The following DCAF6 variants were observed in gnomAD, a reference collection of about 807,000 sequenced individuals.
The protein encoded by DCAF6 is DDB1 and CUL4 associated factor 6.
Under a neutral mutation model 125.1 loss-of-function variants are expected in DCAF6, and 54 were observed. That is an observed-to-expected ratio of 0.43 (90% CI 0.35 to 0.54). The LOEUF (loss-of-function observed/expected upper bound fraction) is 0.54, where lower values mean the gene tolerates loss of function less well. Ranked by LOEUF, DCAF6 falls within the 20% of genes least tolerant of loss-of-function variation. DCAF6 has a pLI of 0.01. For missense variants in DCAF6, 934 were observed against 1,161.7 expected, an observed-to-expected ratio of 0.80 and a Z score of 2.85; for synonymous variants, 371 against 390.4, an observed-to-expected ratio of 0.95 and a Z score of 0.58.
intron 7 of DCAF6, among the ~76,000 whole-genome samples, chr1:168,001,452 G>A (rs1557957761): frequency 6.6e-6 from 1 of 152,126 alleles, no homozygotes; most frequent in Admixed American, 6.5e-5. Context: ...CTTGGCAATT[G>A]ATCATTCACT....
chr1:167,951,821 G>A lies in DCAF6; in HGVS notation c.119G>A (p.Arg40Lys). Residue 40 changes from arginine (R) to lysine (K), a missense_variant, in exon 2 of 22, where the codon AGA (arginine) becomes AAA (lysine). Coordinates refer to ENST00000367840, the MANE Select transcript of DCAF6 (RefSeq NM_001198956.2). ...ACAGGAAGAAGAGAATTTATCCAAAGATTAAAACTTGAAGCAACCCTTAAT... is the reference window on the plus strand; with the variant it reads ...ACAGGAAGAAGAGAATTTATCCAAAAATTAAAACTTGAAGCAACCCTTAAT... ...RYLGRREFIQ[R>K]LKLEATLNVH... The A allele has an allele frequency of 1.9e-6, 3 of 1,602,860 alleles. No individual in the cohort carries two copies. Among genetic ancestry groups the A allele is most frequent in the South Asian group, 2.2e-5 (2 of 90,660 alleles).
upstream of DCAF6, among the ~76,000 whole-genome samples, chr1:167,933,362 T>G (rs1347098592): frequency 6.6e-6 from 1 of 152,146 alleles, no homozygotes; most frequent in Non-Finnish European, 1.5e-5. Context: ...AGATAGGGTT[T>G]CATCATGTTG....
At chr1:167,902,706 G>C in the DCAF6 span, among the ~76,000 whole-genome samples, 1 of 152,158 alleles carries the variant, frequency 6.6e-6, no homozygotes, top group East Asian at 1.9e-4. Context: ...GGAACTCAGA[G>C]TCTGATAAAA....
the DCAF6 span, among the ~76,000 whole-genome samples, chr1:167,873,322 A>C: frequency 6.6e-6 from 1 of 152,188 alleles, no homozygotes; most frequent in Non-Finnish European, 1.5e-5. Flanking sequence ...GAAAGCAGTG[A>C]AAGTGAGGCA....
intron 2 of DCAF6, among the ~76,000 whole-genome samples, chr1:167,964,913 C>T (rs1019136752): frequency 6.6e-6 from 1 of 152,166 alleles, no homozygotes; most frequent in Non-Finnish European, 1.5e-5. Context: ...ATTTCCGTCT[C>T]TCTGCTGACA....
the DCAF6 span, among the ~76,000 whole-genome samples, chr1:167,910,080 C>T: frequency 8.6e-3 from 1,315 of 152,274 alleles, 15 homozygotes; most frequent in African/African-American, 0.03. Context: ...CTTTGGGGAC[C>T]TCAGTTCTTG....
chr1:168,031,399 G>T (rs1687073091), intron 12 of DCAF6, among the ~76,000 whole-genome samples: 1 of 152,088 alleles, frequency 6.6e-6, no homozygotes, highest in South Asian at 2.1e-4. Context: ...CAAGTAAATT[G>T]GCTCCAAAAA....
the DCAF6 span, among the ~76,000 whole-genome samples, chr1:167,878,219 C>T: frequency 6.6e-6 from 1 of 152,094 alleles, no homozygotes; most frequent in East Asian, 1.9e-4. Context: ...TGAAGAATTA[C>T]CCTCATATTC....
chr1:168,024,703 C>G (rs1398307343), intron 12 of DCAF6, among the ~76,000 whole-genome samples: 1 of 151,048 alleles, frequency 6.6e-6, no homozygotes, highest in East Asian at 1.9e-4. Flanking sequence ...ACTCAGGAGG[C>G]TGAGGGAGGA....
chr1:167,911,958 G>T, the DCAF6 span, among the ~76,000 whole-genome samples: 10 of 152,200 alleles, frequency 6.6e-5, no homozygotes, highest in Non-Finnish European at 1.3e-4. Context: ...AGAAGAAAAT[G>T]ATAGGTTTAA....
At chr1:168,070,437 A>C (rs1008623955) in intron 21 of DCAF6, among the ~76,000 whole-genome samples, 1 of 152,194 alleles carries the variant, frequency 6.6e-6, no homozygotes, top group African/African-American at 2.4e-5. Context: ...TGGTAGCCAC[A>C]AAGTACCTCT....
chr1:167,902,050 C>T, the DCAF6 span: 1 of 1,604,832 alleles, frequency 6.2e-7, no homozygotes, highest in African/African-American at 1.4e-5. Flanking sequence ...CAAAAATCAA[C>T]ACTTCTGAGA....
intron 11 of DCAF6, 121 bp from the exon 12 acceptor site, chr1:168,022,867 A>T (rs900175729): frequency 1.2e-6 from 1 of 850,056 alleles, no homozygotes; most frequent in Non-Finnish European, 1.9e-6. Flanking sequence ...GAATCACACC[A>T]CAGTACTTAC....
the DCAF6 span, among the ~76,000 whole-genome samples, chr1:167,884,276 T>C: frequency 4.6e-3 from 703 of 152,212 alleles, 3 homozygotes; most frequent in Admixed American, 5.4e-3. Context: ...CTCAAACTTA[T>C]AATATGGCAG....
chr1:167,920,599 G>T, the DCAF6 span: 8 of 1,613,740 alleles, frequency 5.0e-6, no homozygotes, highest in African/African-American at 8.0e-5. Flanking sequence ...CTGCAGGTCT[G>T]GCCATATCAG....
At position 167,985,184 on chromosome 1, in the gene DCAF6, C is replaced by CGTGTGTGT. The variant is rs33966059; in HGVS notation, c.439-2291_439-2284dup. On this transcript the variant is annotated intron_variant, in intron 4 of 21. Coordinates refer to ENST00000367840, the MANE Select transcript of DCAF6 (RefSeq NM_001198956.2). ...AGGTGAGATCATAGCCAAACCACGT[C>CGTGTGTGT]GTGTGTGTGTGTGTGTGTGTGTGTG... 8.5e-3 allele frequency among the ~76,000 whole-genome samples: 1,250 copies of CGTGTGTGT among 147,018 alleles called. 11 individuals carry two copies. The highest frequency in any genetic ancestry group is 0.043 in the Middle Eastern group (12 of 282).
At chr1:168,069,542 G>A (rs144868778) in intron 21 of DCAF6, among the ~76,000 whole-genome samples, 22 of 152,304 alleles carry the variant, frequency 1.4e-4, no homozygotes, top group African/African-American at 5.1e-4. Context: ...CTCAGAGAGA[G>A]TGGGGAATGG....
chr1:168,042,486 G>T (rs568137203), intron 13 of DCAF6, among the ~76,000 whole-genome samples: 3 of 151,956 alleles, frequency 2.0e-5, no homozygotes, highest in Admixed American at 2.0e-4. Flanking sequence ...ATATTACCCT[G>T]TCCTTCTACA....
the DCAF6 span, among the ~76,000 whole-genome samples, chr1:167,891,655 C>CAAAAAAAAA: frequency 9.3e-6 from 1 of 107,710 alleles, no homozygotes. Context: ...GACTCTGTCT[C>CAAAAAAAAA]AAAAAAAAAA....
Sources: gnomAD v4.1 joint callset for allele counts (sites outside exome capture counted in the v4.1 genomes callset) on GRCh38, gnomAD v4.1.1 for gene constraint, MANE v1.5 for transcripts, NCBI Gene and HGNC (gene_info 2026-07-23, HGNC 2026-07-21) for gene names.